Variants in KATNIP observed in about 807,000 individuals in gnomAD.
KATNIP encodes the protein katanin interacting protein.
KATNIP carries 126 observed loss-of-function variants against 174.0 expected under a neutral mutation model. The observed-to-expected ratio is 0.72, with a 90% CI of 0.63 to 0.84. The LOEUF is 0.84. KATNIP is among the 40% of genes least tolerant of loss of function. The pLI is 0.00. For missense variants in KATNIP, 1,958 were observed against 2,109.7 expected (o/e 0.93, Z 1.41); for synonymous variants, 810 against 835.7 (o/e 0.97, Z 0.53).
chr16:27,730,319 T>G (rs999732126), intron 14 of KATNIP, among the ~76,000 whole-genome samples: 1 of 152,192 alleles, frequency 6.6e-6, no homozygotes, highest in Non-Finnish European at 1.5e-5. Context: ...AATATGAATT[T>G]TTTTGCTTTT....
intron 8 of KATNIP, among the ~76,000 whole-genome samples, chr16:27,693,059 T>G (rs1449828228): frequency 6.6e-6 from 1 of 152,080 alleles, no homozygotes; most frequent in Non-Finnish European, 1.5e-5. Flanking sequence ...GACCTGATCC[T>G]TTTTGCACTG....
intron 8 of KATNIP, among the ~76,000 whole-genome samples, chr16:27,682,489 G>C (rs1302594292): frequency 6.6e-6 from 1 of 152,186 alleles, no homozygotes; most frequent in Non-Finnish European, 1.5e-5. Context: ...GAGGATGCGA[G>C]GTGACCAAGG....
chr16:27,626,647 A>G (rs1043915437), intron 3 of KATNIP, among the ~76,000 whole-genome samples: 4 of 152,100 alleles, frequency 2.6e-5, no homozygotes, highest in African/African-American at 9.7e-5. Flanking sequence ...CTTATCTACT[A>G]AATGGAGATA....
At chr16:27,710,220 C>T (rs886638432) in intron 13 of KATNIP, among the ~76,000 whole-genome samples, 11 of 152,050 alleles carry the variant, frequency 7.2e-5, no homozygotes, top group South Asian at 2.1e-4. Context: ...ATTAGCCAGG[C>T]GTTGGGGCAC....
At chr16:27,564,439 T>A (rs1362879102) in intron 1 of KATNIP, among the ~76,000 whole-genome samples, 1 of 152,068 alleles carries the variant, frequency 6.6e-6, no homozygotes, top group Non-Finnish European at 1.5e-5. Context: ...GAAGAACACA[T>A]GGCTAAGCAT....
chr16:27,655,139 T>C (rs1366313686), intron 6 of KATNIP, among the ~76,000 whole-genome samples: 9 of 135,804 alleles, frequency 6.6e-5, no homozygotes, highest in African/African-American at 5.4e-5. Flanking sequence ...AAAACAAATA[T>C]ACAAACAAAA....
chr16:27,728,103 C>T (rs893272410), intron 14 of KATNIP, among the ~76,000 whole-genome samples: 1 of 152,272 alleles, frequency 6.6e-6, no homozygotes, highest in Non-Finnish European at 1.5e-5. Context: ...GTCAGTGCGG[C>T]CTGATGGCTC....
chr16:27,709,638 CA>C (rs1216367247), intron 13 of KATNIP, among the ~76,000 whole-genome samples: 2 of 151,506 alleles, frequency 1.3e-5, no homozygotes, highest in African/African-American at 4.9e-5. Context: ...GACTCTGTCT[CA>C]AAAAAAATAA....
At chr16:27,663,291 C>G (rs2077582355) in intron 6 of KATNIP, among the ~76,000 whole-genome samples, 1 of 150,782 alleles carries the variant, frequency 6.6e-6, no homozygotes, top group Non-Finnish European at 1.5e-5. Context: ...CCCACCACAC[C>G]TGGCCCATTT....
chr16:27,703,927 G>A lies in KATNIP; in HGVS notation c.1318G>A (p.Ala440Thr). 1 of 1,614,160 alleles carries A rather than the reference G, an allele frequency of 6.2e-7. No homozygotes were observed. The highest frequency in any genetic ancestry group is 8.5e-7 in the Non-Finnish European group (1 of 1,180,034). The change falls in exon 12 of 28, where the codon GCC (alanine) becomes ACC (threonine). Residue 440 changes from alanine to threonine, a missense_variant. Coordinates refer to ENST00000261588, the MANE Select transcript of KATNIP (RefSeq NM_015202.5). ...QQQKLLKVLQ[A>T]VESDSAHLGR... The stretch of plus-strand genomic sequence containing the variant: ...GCAGAAGCTTCTGAAAGTCCTCCAG[G>A]CCGTCGAAAGTGACTCTGCCCATCT...
At chr16:27,615,556 A>G (rs2142042692) in intron 2 of KATNIP, among the ~76,000 whole-genome samples, 1 of 152,092 alleles carries the variant, frequency 6.6e-6, no homozygotes, top group African/African-American at 2.4e-5. Flanking sequence ...GGGTTTCACC[A>G]TGTTAGCCGG....
chr16:27,773,316 A>G (rs1249381831), intron 23 of KATNIP, 107 bp downstream of exon 23: 2 of 724,674 alleles, frequency 2.8e-6, no homozygotes, highest in South Asian at 3.8e-5. Flanking sequence ...CCCTCTAGGA[A>G]CCAGAGCCCA....
At chr16:27,680,863 T>G (rs1367882267) in intron 7 of KATNIP, among the ~76,000 whole-genome samples, 1 of 152,098 alleles carries the variant, frequency 6.6e-6, no homozygotes, top group Non-Finnish European at 1.5e-5. Flanking sequence ...CACAGCTAAT[T>G]TTTGTATTTT....
intron 2 of KATNIP, among the ~76,000 whole-genome samples, chr16:27,600,777 A>T (rs1334405213): frequency 1.3e-5 from 2 of 149,510 alleles, no homozygotes; most frequent in Admixed American, 1.3e-4. Flanking sequence ...TTTCCCAGGC[A>T]GGAGTGCAGT....
intron 1 of KATNIP, among the ~76,000 whole-genome samples, chr16:27,565,872 A>G (rs1036699988): frequency 7.2e-5 from 11 of 152,068 alleles, no homozygotes; most frequent in Non-Finnish European, 1.2e-4. Context: ...TGAGTTGGAA[A>G]CTAGAGGCCT....
At chr16:27,552,418 A>C (rs1253039990) in intron 1 of KATNIP, among the ~76,000 whole-genome samples, 3 of 145,270 alleles carry the variant, frequency 2.1e-5, no homozygotes, top group Non-Finnish European at 4.5e-5. Flanking sequence ...ACTGTCGCCC[A>C]GGCTGGAGTG....
intron 14 of KATNIP, among the ~76,000 whole-genome samples, chr16:27,726,419 G>A (rs2080454334): frequency 6.6e-6 from 1 of 152,142 alleles, no homozygotes; most frequent in African/African-American, 2.4e-5. Flanking sequence ...TGGCTGTTGA[G>A]AATTTCACAA....
chr16:27,751,094 C>T (rs893717750), intron 16 of KATNIP, among the ~76,000 whole-genome samples: 5 of 152,114 alleles, frequency 3.3e-5, no homozygotes, highest in South Asian at 2.1e-4. Context: ...TTCAGCATCT[C>T]CCATAAAGCA....
intron 3 of KATNIP, among the ~76,000 whole-genome samples, chr16:27,621,838 TC>T (rs1298198933): frequency 6.6e-6 from 1 of 151,752 alleles, no homozygotes; most frequent in Non-Finnish European, 1.5e-5. Context: ...GAACTCACTA[TC>T]GCAAGGACAA....
Sources: allele counts gnomAD v4.1 joint callset (sites outside exome capture counted in the v4.1 genomes callset), GRCh38; gene constraint gnomAD v4.1.1; transcripts MANE v1.5; gene names NCBI Gene and HGNC (gene_info 2026-07-23, HGNC 2026-07-21).